The following CDKAL1 variants were observed in gnomAD, a reference collection of about 807,000 sequenced individuals.
CDKAL1 encodes the protein CDKAL1 threonylcarbamoyladenosine tRNA methylthiotransferase.
Under a neutral mutation model 68.2 loss-of-function variants are expected in CDKAL1, and 32 were observed. The ratio of observed to expected loss-of-function variants is 0.47; its 90% CI spans 0.35 to 0.63. CDKAL1 has a LOEUF of 0.63. Among genes scored for constraint, CDKAL1 ranks in the 30% least tolerant of loss-of-function variants. CDKAL1 has a pLI of 0.00. For synonymous variants in CDKAL1, 234 were observed against 244.3 expected (o/e 0.96, Z 0.39); for missense variants, 606 against 696.7 (o/e 0.87, Z 1.47).
chr6:21,164,524 T>A (rs1777067518), intron 13 of CDKAL1, among the ~76,000 whole-genome samples: 1 of 152,192 alleles, frequency 6.6e-6, no homozygotes, highest in Admixed American at 6.5e-5. Flanking sequence ...CTATCCATCA[T>A]TGTCTCCCAG....
chr6:21,039,143 G>A (rs895681351), intron 11 of CDKAL1, among the ~76,000 whole-genome samples: 17 of 152,122 alleles, frequency 1.1e-4, no homozygotes, highest in Admixed American at 4.6e-4. Context: ...CCCAAGCTCC[G>A]CCTTCTCTCA....
intron 5 of CDKAL1, among the ~76,000 whole-genome samples, chr6:20,724,512 A>T (rs999594931): frequency 1.3e-5 from 2 of 151,930 alleles, no homozygotes; most frequent in Admixed American, 6.6e-5. Context: ...AGTTTAGGAG[A>T]TCCAGAACAG....
At chr6:20,819,163 G>A (rs1394298901) in intron 8 of CDKAL1, among the ~76,000 whole-genome samples, 2 of 151,866 alleles carry the variant, frequency 1.3e-5, no homozygotes, top group East Asian at 3.9e-4. Context: ...GCAAAACTTT[G>A]ATTTAATGTC....
intron 11 of CDKAL1, among the ~76,000 whole-genome samples, chr6:21,060,584 T>A (rs757064543): frequency 2.6e-5 from 4 of 152,162 alleles, no homozygotes; most frequent in Admixed American, 6.5e-5. Context: ...TGATTTTTTC[T>A]CTTTGTTAGC....
chr6:21,156,411 G>A (rs186492946), intron 13 of CDKAL1, among the ~76,000 whole-genome samples: 3 of 124,574 alleles, frequency 2.4e-5, no homozygotes, highest in African/African-American at 6.5e-5. Context: ...GTGACAGAGC[G>A]AGACCCTGTC....
At chr6:20,788,040 C>G (rs1003853232) in intron 8 of CDKAL1, among the ~76,000 whole-genome samples, 1 of 152,172 alleles carries the variant, frequency 6.6e-6, no homozygotes, top group Non-Finnish European at 1.5e-5. Flanking sequence ...GACCCTATTT[C>G]GACTGTCTTT....
chr6:20,892,142 AT>A (rs766062787), intron 9 of CDKAL1, among the ~76,000 whole-genome samples: 1 of 152,198 alleles, frequency 6.6e-6, no homozygotes, highest in Admixed American at 6.5e-5. Context: ...GGACATTCCC[AT>A]TCTTAAAGGA....
At chr6:20,611,028 C>T (rs1766595592) in intron 4 of CDKAL1, among the ~76,000 whole-genome samples, 1 of 152,206 alleles carries the variant, frequency 6.6e-6, no homozygotes, top group Non-Finnish European at 1.5e-5. Context: ...AGCTTTGAGG[C>T]ATTCCTTCCT....
chr6:20,769,210 T>A (rs184741886), intron 7 of CDKAL1, among the ~76,000 whole-genome samples: 1 of 151,852 alleles, frequency 6.6e-6, no homozygotes, highest in Non-Finnish European at 1.5e-5. Context: ...ACCTTTAATC[T>A]ACTTTAATTT....
At chr6:20,558,122 C>G (rs1433147771) in intron 4 of CDKAL1, among the ~76,000 whole-genome samples, 1 of 152,112 alleles carries the variant, frequency 6.6e-6, no homozygotes, top group Non-Finnish European at 1.5e-5. Flanking sequence ...GAATTTTATT[C>G]AAAGCTGCCT....
chr6:21,042,308 C>G (rs1219062543), intron 11 of CDKAL1, among the ~76,000 whole-genome samples: 1 of 151,244 alleles, frequency 6.6e-6, no homozygotes, highest in African/African-American at 2.4e-5. Context: ...GTCTCTGCTT[C>G]TCTACTAACA....
intron 9 of CDKAL1, among the ~76,000 whole-genome samples, chr6:20,920,220 G>A (rs116744349): frequency 0.011 from 1,611 of 152,216 alleles, 28 homozygotes; most frequent in African/African-American, 0.036. Context: ...CTGTGTTTTG[G>A]GTGAGGGCAA....
At chr6:21,080,410 G>A (rs1158482150) in intron 12 of CDKAL1, among the ~76,000 whole-genome samples, 2 of 152,186 alleles carry the variant, frequency 1.3e-5, no homozygotes, top group African/African-American at 4.8e-5. Flanking sequence ...ATGGGTGTGG[G>A]CTGATGCAGT....
In CDKAL1 at chr6:20,832,337, G is replaced by A. The variant is rs1486547431; in HGVS notation, c.639-13738G>A. Among the ~76,000 whole-genome samples the A allele has an allele frequency of 3.3e-5, 5 of 152,044 alleles. No homozygotes were observed. The South Asian group carries it at 6.2e-4, about 19-fold the overall frequency. On this transcript the variant is annotated intron_variant, in intron 8 of 15. Transcript: ENST00000274695. ...TCCTTTTTCACTTTTCTAATTTTAAGGCAGGGACTATCTATTTATCTTGTA... is the reference window on the plus strand; with the variant it reads ...TCCTTTTTCACTTTTCTAATTTTAAAGCAGGGACTATCTATTTATCTTGTA...
chr6:21,053,613 A>G (rs1770660199), intron 11 of CDKAL1, among the ~76,000 whole-genome samples: 1 of 152,106 alleles, frequency 6.6e-6, no homozygotes, highest in South Asian at 2.1e-4. Flanking sequence ...GTTTCTCTAT[A>G]TGCTTACTAA....
intron 5 of CDKAL1, among the ~76,000 whole-genome samples, chr6:20,719,857 G>A (rs554105762): frequency 1.2e-4 from 19 of 152,198 alleles, no homozygotes; most frequent in South Asian, 6.2e-4. Context: ...ACTTCTTTAT[G>A]TTTCCTTATG....
At chr6:21,167,057 G>A (rs1582340481) in intron 13 of CDKAL1, among the ~76,000 whole-genome samples, 1 of 152,146 alleles carries the variant, frequency 6.6e-6, no homozygotes, top group Non-Finnish European at 1.5e-5. Context: ...GTTGTCATGA[G>A]GAACAAATGA....
intron 12 of CDKAL1, among the ~76,000 whole-genome samples, chr6:21,081,186 C>T (rs1319680251): frequency 2.0e-5 from 3 of 152,070 alleles, no homozygotes; most frequent in South Asian, 2.1e-4. Flanking sequence ...GCTTCTTTTA[C>T]GAATTTGTAA....
intron 4 of CDKAL1, among the ~76,000 whole-genome samples, chr6:20,641,671 A>G (rs902356445): frequency 1.3e-4 from 20 of 152,216 alleles, no homozygotes; most frequent in Admixed American, 1.3e-3. Context: ...ATTGGCACGT[A>G]GAGATTTATG....
Sources: gnomAD v4.1 joint callset for allele counts (sites outside exome capture counted in the v4.1 genomes callset) on GRCh38, gnomAD v4.1.1 for gene constraint, MANE v1.5 for transcripts, NCBI Gene and HGNC (gene_info 2026-07-23, HGNC 2026-07-21) for gene names.